DPH6: variants seen among roughly 807,000 people sequenced by gnomAD.
DPH6 encodes diphthine--ammonia ligase.
A neutral mutation model predicts 38.2 loss-of-function variants in DPH6; 33 were observed. That is an observed-to-expected ratio of 0.86 (90% CI 0.65 to 1.15). The LOEUF (loss-of-function observed/expected upper bound fraction) is 1.15, where lower values mean the gene tolerates loss of function less well. Among genes scored for constraint, DPH6 ranks in the 50% most tolerant of loss-of-function variants. The pLI, the probability that DPH6 is intolerant of heterozygous loss-of-function variation, is 0.00. For synonymous variants in DPH6, 108 were observed against 103.0 expected (o/e 1.05, Z -0.30); for missense variants, 325 against 320.0 (o/e 1.02, Z -0.12).
intron 3 of DPH6, among the ~76,000 whole-genome samples, chr15:35,476,688 G>A (rs2054268020): frequency 1.3e-5 from 2 of 151,778 alleles, no homozygotes; most frequent in African/African-American, 4.8e-5. Flanking sequence ...ACATTAGTTA[G>A]AGGTGAAACT....
intron 3 of DPH6, among the ~76,000 whole-genome samples, chr15:35,487,635 C>T (rs1417718290): frequency 6.6e-6 from 1 of 152,238 alleles, no homozygotes; most frequent in Admixed American, 6.5e-5. Flanking sequence ...CCCTCCTCGG[C>T]CTCCAGGCCT....
At chr15:35,299,890 T>A (rs142201330) in intron 3 of DPH6, among the ~76,000 whole-genome samples, 73 of 152,348 alleles carry the variant, frequency 4.8e-4, no homozygotes, top group African/African-American at 1.5e-3. Flanking sequence ...GTTCAGCTCC[T>A]AGAATATAGT....
intron 3 of DPH6, among the ~76,000 whole-genome samples, chr15:35,292,784 C>T (rs1338609532): frequency 6.6e-6 from 1 of 151,970 alleles, no homozygotes; most frequent in African/African-American, 2.4e-5. Context: ...AAGTGAACAA[C>T]TTTTTTGAGA....
intron 6 of DPH6, among the ~76,000 whole-genome samples, chr15:35,397,860 T>TATAC: frequency 1.7e-4 from 1 of 5,742 alleles, no homozygotes. Context: ...GGAATCAATT[T>TATAC]ATATATATAC....
the DPH6 span, among the ~76,000 whole-genome samples, chr15:35,182,029 T>A: frequency 6.6e-6 from 1 of 152,086 alleles, no homozygotes; most frequent in East Asian, 1.9e-4. Context: ...TGTGTCACAA[T>A]AAAGTAATAC....
the DPH6 span, among the ~76,000 whole-genome samples, chr15:35,154,022 G>T: frequency 6.6e-6 from 1 of 152,156 alleles, no homozygotes; most frequent in Non-Finnish European, 1.5e-5. Context: ...GATCTCCAGA[G>T]AGAGGAAGGT....
intron 3 of DPH6, among the ~76,000 whole-genome samples, chr15:35,340,878 T>C (rs774274110): frequency 1.3e-5 from 2 of 152,046 alleles, no homozygotes; most frequent in Non-Finnish European, 2.9e-5. Flanking sequence ...TCTCATGGAG[T>C]ATCTTACTGT....
chr15:35,399,215 G>C (rs1201065598), intron 6 of DPH6, among the ~76,000 whole-genome samples: 1 of 151,996 alleles, frequency 6.6e-6, no homozygotes, highest in Admixed American at 6.5e-5. Flanking sequence ...AGGGAGATTA[G>C]AGAATATATT....
chr15:35,292,444 T>G (rs2051986284), intron 3 of DPH6, among the ~76,000 whole-genome samples: 1 of 152,186 alleles, frequency 6.6e-6, no homozygotes, highest in Non-Finnish European at 1.5e-5. Flanking sequence ...CTGATACTTC[T>G]GTACCTTGAT....
intron 3 of DPH6, among the ~76,000 whole-genome samples, chr15:35,480,020 TGAG>T (rs535428790): frequency 1.4e-3 from 215 of 152,178 alleles, no homozygotes; most frequent in Non-Finnish European, 2.2e-3. Context: ...TGTATCTTTC[TGAG>T]TAGTGAAAAC....
intron 6 of DPH6, among the ~76,000 whole-genome samples, chr15:35,393,392 A>C (rs2053085973): frequency 6.6e-6 from 1 of 152,214 alleles, no homozygotes; most frequent in South Asian, 2.1e-4. Flanking sequence ...AAAGCATACA[A>C]ATTTATTTAA....
intron 2 of DPH6, among the ~76,000 whole-genome samples, chr15:35,541,196 T>C (rs1340572059): frequency 1.3e-5 from 2 of 152,112 alleles, no homozygotes; most frequent in Admixed American, 1.3e-4. Context: ...TCCTATAAAA[T>C]ATTTCTAAAC....
chr15:35,348,237 T>C (rs1237067645), intron 3 of DPH6, among the ~76,000 whole-genome samples: 1 of 152,212 alleles, frequency 6.6e-6, no homozygotes, highest in Non-Finnish European at 1.5e-5. Flanking sequence ...TCCAATGTCA[T>C]GAACATTTCC....
intron 3 of DPH6, among the ~76,000 whole-genome samples, chr15:35,242,410 T>A (rs1389327491): frequency 7.0e-6 from 1 of 142,914 alleles, no homozygotes; most frequent in African/African-American, 2.6e-5. Flanking sequence ...CTAGCCCTCA[T>A]GTCTGCCTGC....
At chr15:35,165,700 C>T in the DPH6 span, among the ~76,000 whole-genome samples, 1 of 151,900 alleles carries the variant, frequency 6.6e-6, no homozygotes, top group African/African-American at 2.4e-5. Context: ...ACTGCTTAAA[C>T]CTTTAATTAG....
chr15:35,373,453 T>C, intron 8 of DPH6, 68 bp downstream of exon 8: 1 of 1,361,172 alleles, frequency 7.3e-7, no homozygotes, highest in Middle Eastern at 1.9e-4. Context: ...TACAGAATTA[T>C]ATATGCAAAG....
chr15:35,476,959 G>GAACACAACATGAGACTTTCAAA (rs1182588364), intron 3 of DPH6, among the ~76,000 whole-genome samples: 1 of 151,592 alleles, frequency 6.6e-6, no homozygotes, highest in Non-Finnish European at 1.5e-5. Context: ...CTCTAAAAAT[G>GAACACAACATGAGACTTTCAAA]AACACAACAT....
intron 3 of DPH6, among the ~76,000 whole-genome samples, chr15:35,337,773 TTCAA>T (rs2052385531): frequency 1.3e-5 from 2 of 152,238 alleles, no homozygotes; most frequent in Admixed American, 1.3e-4. Flanking sequence ...ACTACCTGAC[TTCAA>T]ACTATACTAC....
chr15:35,214,592 T>C (rs191685255), downstream of DPH6, among the ~76,000 whole-genome samples: 1 of 152,352 alleles, frequency 6.6e-6, no homozygotes, highest in Admixed American at 6.5e-5. Context: ...ACTATCATTT[T>C]TCATCTGAAT....
Sources: gnomAD v4.1 joint callset for allele counts (sites outside exome capture counted in the v4.1 genomes callset) on GRCh38, gnomAD v4.1.1 for gene constraint, MANE v1.5 for transcripts, NCBI Gene and HGNC (gene_info 2026-07-23, HGNC 2026-07-21) for gene names.